The following CFAP47 variants were observed in gnomAD, a reference collection of about 807,000 sequenced individuals.
CFAP47 encodes cilia and flagella associated protein 47.
In CFAP47, 29 loss-of-function variants were observed where a neutral mutation model predicts 148.1. That is an observed-to-expected ratio of 0.20 (90% CI 0.15 to 0.27). The LOEUF (loss-of-function observed/expected upper bound fraction) is 0.27. CFAP47 is among the 10% of genes least tolerant of loss of function. CFAP47 has a pLI of 1.00. For synonymous variants in CFAP47, 664 were observed against 577.3 expected, an observed-to-expected ratio of 1.15 and a Z score of -2.15; for missense variants, 1,872 against 1,697.5, an observed-to-expected ratio of 1.10 and a Z score of -1.81.
Position 36,319,775 on chromosome X carries a change from T to C in CFAP47, c.8443+468T>C, listed in dbSNP as rs377256568. Among the ~76,000 whole-genome samples, 4 of 111,229 alleles carry C rather than the reference T, an allele frequency of 3.6e-5. No homozygotes were observed. In the South Asian group the frequency reaches 1.5e-3, roughly 42 times the overall value. Reference sequence around the variant, plus strand: ...CGAATTTATTACAGGGTATAAATTTTTGTTGTTGTTTGGTTTTGTTTTGTT... The same window carrying C: ...CGAATTTATTACAGGGTATAAATTTCTGTTGTTGTTTGGTTTTGTTTTGTT... On this transcript the variant is annotated intron_variant, in intron 57 of 63. Transcript: ENST00000378653.
intron 29 of CFAP47, among the ~76,000 whole-genome samples, chrX:36,077,719 C>T (rs1047157296): frequency 9.0e-6 from 1 of 111,467 alleles, no homozygotes; most frequent in African/African-American, 3.3e-5. Flanking sequence ...TAAACACCTA[C>T]CTCAAAAATT....
At chrX:36,243,647 G>GTGTATATATATA (rs1179341078) in intron 48 of CFAP47, among the ~76,000 whole-genome samples, 18 of 64,242 alleles carry the variant, frequency 2.8e-4, no homozygotes, top group South Asian at 1.1e-3. Flanking sequence ...ATATGTGTGT[G>GTGTATATATATA]TATATATATA....
In CFAP47 at chrX:36,379,343, G is replaced by T; in HGVS notation, c.9186-7G>T. ...TTACTAAGTTGAATTTTGTACTTTT[G>T]TTCCAGAAATCCTGAGCCGTTCACC... On this transcript the variant is annotated splice_region_variant and splice_polypyrimidine_tract_variant and intron_variant, in intron 62 of 63. Transcript: ENST00000378653. 1 of 1,165,370 alleles carries T rather than the reference G, an allele frequency of 8.6e-7. No homozygotes were observed. The highest frequency in any genetic ancestry group is 1.1e-6 in the Non-Finnish European group (1 of 871,346).
intron 62 of CFAP47, among the ~76,000 whole-genome samples, chrX:36,375,411 T>C (rs1276867651): frequency 1.8e-5 from 2 of 112,262 alleles, no homozygotes; most frequent in Non-Finnish European, 3.8e-5. Flanking sequence ...ATTTCAATGT[T>C]CTAAAATTTG....
Position 36,385,235 on chromosome X carries a change from A to G in CFAP47, c.*229A>G, listed in dbSNP as rs968286799. The G allele has an allele frequency of 1.6e-5, 5 of 316,873 alleles. No individual in the cohort carries two copies. In the East Asian group the frequency reaches 2.2e-4, roughly 14 times the overall value. The allele number at this position is 316,873 out of a possible 1,213,427, so 26.1% of individuals were successfully genotyped here. Reference sequence around the variant, plus strand: ...GTTCACTTTTAAAGTGCAGGTGTATATTTGTGGTAAAACGAAATATAATTT... The same window carrying G: ...GTTCACTTTTAAAGTGCAGGTGTATGTTTGTGGTAAAACGAAATATAATTT... On this transcript the variant is annotated 3_prime_UTR_variant, in exon 64 of 64. Transcript: ENST00000378653.
At chrX:35,926,191 G>A in intron 2 of CFAP47, 23 bp downstream of exon 2, 4 of 1,128,543 alleles carry the variant, frequency 3.5e-6, no homozygotes, top group Non-Finnish European at 4.8e-6. Context: ...CATAGTTCAT[G>A]CTGACATTTT....
intron 50 of CFAP47, among the ~76,000 whole-genome samples, chrX:36,283,186 C>G (rs1374986792): frequency 1.8e-5 from 2 of 111,441 alleles, no homozygotes; most frequent in Middle Eastern, 5.1e-3. Flanking sequence ...CATTTTCATA[C>G]TATTCAGGAA....
At chrX:36,224,859 G>A (rs979100971) in intron 45 of CFAP47, among the ~76,000 whole-genome samples, 6 of 111,773 alleles carry the variant, frequency 5.4e-5, no homozygotes, top group African/African-American at 1.9e-4. Flanking sequence ...TGCAGTTGTA[G>A]CTGAACAAAA....
At position 36,170,655 on chromosome X, in the gene CFAP47, C is replaced by A. The variant is rs760405553; in HGVS notation, c.6027-8690C>A. Among the ~76,000 whole-genome samples, 7 of 108,209 alleles carry A rather than the reference C, an allele frequency of 6.5e-5. No homozygotes were observed. In the South Asian group the frequency reaches 3.0e-3, roughly 46 times the overall value. 94.0% of individuals were successfully genotyped at this position (108,209 alleles called of 115,157 possible). On this transcript the variant is annotated intron_variant, in intron 39 of 63. Transcript: ENST00000378653. ...CATTTTTTATGGCTGCATAGTATTCCATGGTGTATATGTGCCACATTTTCT... is the reference window on the plus strand; with the variant it reads ...CATTTTTTATGGCTGCATAGTATTCAATGGTGTATATGTGCCACATTTTCT...
intron 3 of CFAP47, among the ~76,000 whole-genome samples, chrX:35,945,709 C>T (rs748834412): frequency 1.1e-3 from 118 of 111,183 alleles, no homozygotes; most frequent in African/African-American, 3.7e-3. Flanking sequence ...AAGCCATTAT[C>T]TTCCCCTGCT....
chrX:36,002,408 A>G (rs1389694104), intron 21 of CFAP47, among the ~76,000 whole-genome samples: 2 of 111,150 alleles, frequency 1.8e-5, no homozygotes, highest in Admixed American at 9.6e-5. Context: ...CCAACATGGC[A>G]AAACCCCATC....
chrX:36,138,302 A>T, intron 34 of CFAP47, 46 bp from the exon 35 acceptor site: 2 of 1,058,892 alleles, frequency 1.9e-6, no homozygotes, highest in South Asian at 2.7e-5. Context: ...AAAAAACAGA[A>T]TTTTTTATTC....
chrX:35,993,013 T>C (rs1936806194), intron 17 of CFAP47, among the ~76,000 whole-genome samples, 177 bp from the exon 18 acceptor site: 1 of 111,876 alleles, frequency 8.9e-6, no homozygotes, highest in Non-Finnish European at 1.9e-5. Context: ...TTGCAGTTTC[T>C]TGTTTTAGTC....
intron 29 of CFAP47, among the ~76,000 whole-genome samples, chrX:36,080,620 G>A (rs745449405): frequency 1.4e-3 from 162 of 111,812 alleles, no homozygotes; most frequent in Middle Eastern, 4.6e-3. Context: ...ATGAGTTCAT[G>A]TCCTTTGCAG....
intron 60 of CFAP47, among the ~76,000 whole-genome samples, chrX:36,358,728 C>T: frequency 9.0e-6 from 1 of 111,553 alleles, no homozygotes; most frequent in Admixed American, 9.6e-5. Context: ...CTCTGCTCTG[C>T]CCTCATAAGT....
intron 21 of CFAP47, among the ~76,000 whole-genome samples, chrX:36,013,731 T>A (rs1035112276): frequency 3.6e-5 from 4 of 112,119 alleles, no homozygotes; most frequent in Non-Finnish European, 7.5e-5. Context: ...ATAAGTGAAA[T>A]CATAAGGTAT....
rs782370548 is a variant in CFAP47 at position 36,276,058 on chromosome X, A to G, written c.7445-4429A>G. Among the ~76,000 whole-genome samples the G allele has an allele frequency of 5.5e-5, 6 of 109,975 alleles. No homozygotes were observed. In the South Asian group the frequency reaches 2.3e-3, roughly 41 times the overall value. On this transcript the variant is annotated intron_variant, in intron 49 of 63. Transcript: ENST00000378653. Reference sequence around the variant, plus strand: ...CATAAAAACATATTTATATATGTATATATATATATAATCTTAATTCATGTC... The same window carrying G: ...CATAAAAACATATTTATATATGTATGTATATATATAATCTTAATTCATGTC...
intron 39 of CFAP47, among the ~76,000 whole-genome samples, chrX:36,169,497 G>A (rs1010353845): frequency 5.4e-5 from 6 of 110,775 alleles, no homozygotes; most frequent in African/African-American, 1.3e-4. Context: ...ATCAATTGAC[G>A]TATTTTTAAA....
At chrX:36,230,970 A>C (rs1392990363) in intron 46 of CFAP47, among the ~76,000 whole-genome samples, 1 of 104,344 alleles carries the variant, frequency 9.6e-6, no homozygotes, top group African/African-American at 3.8e-5. Flanking sequence ...ATTGATCAAT[A>C]TCTCTGTTTT....
Sources: gnomAD v4.1 joint callset for allele counts (sites outside exome capture counted in the v4.1 genomes callset) on GRCh38, gnomAD v4.1.1 for gene constraint, MANE v1.5 for transcripts, NCBI Gene and HGNC (gene_info 2026-07-23, HGNC 2026-07-21) for gene names.